PLD5: variants seen among roughly 807,000 people sequenced by gnomAD.
PLD5 encodes the protein phospholipase D family member 5.
Under a neutral mutation model 61.1 loss-of-function variants are expected in PLD5, and 36 were observed. The observed-to-expected ratio is 0.59, with a 90% confidence interval of 0.45 to 0.78. The LOEUF (loss-of-function observed/expected upper bound fraction) is 0.78, where lower values mean the gene tolerates loss of function less well. Ranked by LOEUF, PLD5 falls within the 30% of genes least tolerant of loss-of-function variation. The probability of loss-of-function intolerance (pLI) is 0.00; values close to 1 mark genes in which losing one functional copy is unlikely to be tolerated. For synonymous variants in PLD5, 243 were observed against 242.8 expected, an observed-to-expected ratio of 1.00 and a Z score of -0.01; for missense variants, 515 against 644.4, an observed-to-expected ratio of 0.80 and a Z score of 2.17.
intron 1 of PLD5, among the ~76,000 whole-genome samples, chr1:242,366,825 A>G (rs1267288758): frequency 1.3e-5 from 2 of 152,170 alleles, no homozygotes; most frequent in African/African-American, 4.8e-5. Context: ...TGAGTGATGA[A>G]TAAGTGAATA....
At chr1:242,317,890 T>C (rs1266508603) in intron 2 of PLD5, among the ~76,000 whole-genome samples, 2 of 152,094 alleles carry the variant, frequency 1.3e-5, no homozygotes, top group Non-Finnish European at 1.5e-5. Flanking sequence ...GCCAGCCCTT[T>C]CAATGGGGGA....
intron 4 of PLD5, among the ~76,000 whole-genome samples, chr1:242,220,544 T>C (rs985642740): frequency 2.6e-5 from 4 of 152,084 alleles, no homozygotes; most frequent in Admixed American, 2.6e-4. Flanking sequence ...TCTTGTTCAG[T>C]ATCACAGCTC....
intron 5 of PLD5, among the ~76,000 whole-genome samples, chr1:242,190,159 T>TTC (rs1668163903): frequency 7.0e-6 from 1 of 142,786 alleles, no homozygotes; most frequent in Non-Finnish European, 1.5e-5. Flanking sequence ...TTTTTTTTTT[T>TTC]TTTTGAGACG....
At chr1:242,520,551 A>G (rs1458997477) in intron 1 of PLD5, among the ~76,000 whole-genome samples, 6 of 152,172 alleles carry the variant, frequency 3.9e-5, no homozygotes, top group African/African-American at 1.2e-4. Flanking sequence ...CCACACTTTG[A>G]CAGGAGCTAA....
chr1:242,156,765 C>A (rs530754549), intron 5 of PLD5, among the ~76,000 whole-genome samples: 1 of 152,292 alleles, frequency 6.6e-6, no homozygotes, highest in South Asian at 2.1e-4. Context: ...CCCAACTTTT[C>A]TCTCTGGCTG....
chr1:242,195,457 T>G (rs1281439436), intron 5 of PLD5, among the ~76,000 whole-genome samples: 1 of 152,260 alleles, frequency 6.6e-6, no homozygotes, highest in Non-Finnish European at 1.5e-5. Flanking sequence ...TTCTTCTCTT[T>G]AACAATCTCG....
intron 1 of PLD5, among the ~76,000 whole-genome samples, chr1:242,386,824 G>A (rs542457078): frequency 1.3e-5 from 2 of 152,338 alleles, no homozygotes; most frequent in East Asian, 1.9e-4. Flanking sequence ...GCTTCCTGAT[G>A]TACAGGTATT....
chr1:242,249,897 T>A (rs985291709), intron 4 of PLD5, among the ~76,000 whole-genome samples: 1 of 152,210 alleles, frequency 6.6e-6, no homozygotes, highest in African/African-American at 2.4e-5. Context: ...TAAATTTCCA[T>A]GAAAATTAGC....
intron 1 of PLD5, among the ~76,000 whole-genome samples, chr1:242,481,874 G>A (rs917243174): frequency 2.0e-5 from 3 of 152,126 alleles, no homozygotes; most frequent in South Asian, 2.1e-4. Flanking sequence ...CCAGAGGAAC[G>A]ATCAGGCAGC....
intron 1 of PLD5, among the ~76,000 whole-genome samples, chr1:242,497,961 TTTTA>T (rs35584019): frequency 6.6e-6 from 1 of 151,418 alleles, no homozygotes; most frequent in African/African-American, 2.4e-5. Flanking sequence ...CTTCAATTTA[TTTTA>T]TTTATTTAAT....
At position 242,524,086 on chromosome 1, in the gene PLD5, A is replaced by C; in HGVS notation, c.189+2T>G. On this transcript the variant is annotated splice_donor_variant, in intron 1 of 9. Coordinates refer to ENST00000536534, the MANE Select transcript of PLD5 (RefSeq NM_001372062.1). LOFTEE classifies it high-confidence loss of function. ...AGGCCCCCGGGAGCGAGTCGCCCTT[A>C]CGTGCTCCAGCTTGTCTTTCCTCCG... 1 of 1,533,678 alleles carries C rather than the reference A, an allele frequency of 6.5e-7. No homozygotes were observed. Among genetic ancestry groups the C allele is most frequent in the Non-Finnish European group, 8.7e-7 (1 of 1,145,652 alleles).
intron 1 of PLD5, among the ~76,000 whole-genome samples, chr1:242,490,997 T>C (rs1302263406): frequency 3.3e-5 from 5 of 152,310 alleles, no homozygotes; most frequent in South Asian, 4.1e-4. Flanking sequence ...ACATATACCT[T>C]TGGGACATGA....
At chr1:242,445,729 T>C (rs1666502494) in intron 1 of PLD5, among the ~76,000 whole-genome samples, 1 of 151,482 alleles carries the variant, frequency 6.6e-6, no homozygotes, top group East Asian at 1.9e-4. Flanking sequence ...CCAGGTAATG[T>C]AAGAATTACA....
chr1:242,124,008 C>G (rs1662586447), intron 6 of PLD5, among the ~76,000 whole-genome samples: 1 of 152,200 alleles, frequency 6.6e-6, no homozygotes, highest in South Asian at 2.1e-4. Flanking sequence ...GATCTATACA[C>G]TGAGATTCCC....
intron 5 of PLD5, among the ~76,000 whole-genome samples, chr1:242,167,308 C>T (rs1339620194): frequency 6.6e-6 from 1 of 152,074 alleles, no homozygotes; most frequent in Non-Finnish European, 1.5e-5. Context: ...TTCCACATGG[C>T]TGGGGAGGCC....
intron 5 of PLD5, among the ~76,000 whole-genome samples, chr1:242,163,282 T>A (rs554812165): frequency 6.6e-6 from 1 of 151,970 alleles, no homozygotes; most frequent in African/African-American, 2.4e-5. Flanking sequence ...TAGCTGGGAC[T>A]ACAGGCGCCC....
chr1:242,102,293 T>A (rs925649245), intron 8 of PLD5, among the ~76,000 whole-genome samples: 2 of 152,192 alleles, frequency 1.3e-5, no homozygotes, highest in Non-Finnish European at 2.9e-5. Flanking sequence ...GAGTCACAGC[T>A]TGAGGCTTTA....
intron 1 of PLD5, among the ~76,000 whole-genome samples, chr1:242,496,641 T>C (rs2809987): frequency 0.44 from 67,240 of 152,042 alleles, 15,249 homozygotes; most frequent in East Asian, 0.64. Flanking sequence ...TTTTTTTTCA[T>C]ATACACAACA....
At chr1:242,510,491 T>C (rs1256476969) in intron 1 of PLD5, among the ~76,000 whole-genome samples, 1 of 152,178 alleles carries the variant, frequency 6.6e-6, no homozygotes, top group Admixed American at 6.5e-5. Flanking sequence ...CGTCTCTCCA[T>C]CATCTGAATG....
Sources: gnomAD v4.1 joint callset for allele counts (sites outside exome capture counted in the v4.1 genomes callset) on GRCh38, gnomAD v4.1.1 for gene constraint, MANE v1.5 for transcripts, NCBI Gene and HGNC (gene_info 2026-07-23, HGNC 2026-07-21) for gene names.